The following LARP1B variants were observed in gnomAD, a reference collection of about 807,000 sequenced individuals.
The protein encoded by LARP1B is la-related protein 1B.
LARP1B carries 76 observed loss-of-function variants against 114.2 expected under a neutral mutation model. The observed-to-expected ratio is 0.67, with a 90% confidence interval of 0.55 to 0.81. The LOEUF is 0.81. Ranked by LOEUF, LARP1B falls within the 30% of genes least tolerant of loss-of-function variation. The pLI is 0.00. For missense variants in LARP1B, 1,014 were observed against 1,075.8 expected (o/e 0.94, Z 0.80); for synonymous variants, 345 against 348.0 (o/e 0.99, Z 0.10).
chr4:128,139,620 A>G (rs1318003919), intron 11 of LARP1B, among the ~76,000 whole-genome samples: 1 of 151,994 alleles, frequency 6.6e-6, no homozygotes, highest in African/African-American at 2.4e-5. Context: ...AGATCGTGCC[A>G]TTGCACTCCA....
chr4:128,093,252 T>C (rs1366117326), intron 7 of LARP1B, among the ~76,000 whole-genome samples: 1 of 152,182 alleles, frequency 6.6e-6, no homozygotes, highest in Non-Finnish European at 1.5e-5. Context: ...GTTTCTAATA[T>C]ATAGATAGGC....
At chr4:128,152,137 T>TTATTCAG (rs1208458557) in intron 11 of LARP1B, among the ~76,000 whole-genome samples, 1 of 152,150 alleles carries the variant, frequency 6.6e-6, no homozygotes, top group Non-Finnish European at 1.5e-5. Flanking sequence ...CCAACAGTCT[T>TTATTCAG]TATTCAGTAT....
chr4:128,077,783 T>C lies in LARP1B; in HGVS notation c.43-5T>C. On this transcript the variant is annotated splice_polypyrimidine_tract_variant and splice_region_variant and intron_variant, in intron 3 of 19. Transcript: ENST00000326639. ...AATCATTTCATTCTGAAAACCTTTTTGCAGTTTCAGAGCGTCCTCAGCCAA... is the reference window on the plus strand; with the variant it reads ...AATCATTTCATTCTGAAAACCTTTTCGCAGTTTCAGAGCGTCCTCAGCCAA... The C allele has an allele frequency of 1.3e-6, 2 of 1,535,378 alleles. No homozygotes were observed. The highest frequency in any genetic ancestry group is 1.7e-6 in the Non-Finnish European group (2 of 1,146,114).
At chr4:128,075,125 C>T in intron 3 of LARP1B, 132 bp downstream of exon 3, 4 of 654,600 alleles carry the variant, frequency 6.1e-6, no homozygotes, top group Non-Finnish European at 1.1e-5. Context: ...TTTTTTGAGA[C>T]AGGGTCTTGC....
intron 11 of LARP1B, among the ~76,000 whole-genome samples, chr4:128,149,568 TA>T (rs1192491768): frequency 6.6e-6 from 1 of 152,210 alleles, no homozygotes; most frequent in Non-Finnish European, 1.5e-5. Context: ...AATCTGTTCA[TA>T]ATACCTTGTG....
Position 128,147,935 on chromosome 4 carries a change from T to A in LARP1B, c.1525-14259T>A, listed in dbSNP as rs185104048. On this transcript the variant is annotated intron_variant, in intron 11 of 19. Coordinates refer to ENST00000326639, the MANE Select transcript of LARP1B (RefSeq NM_018078.4). ...AGAGTTTACAACTTTTTTTTGAAAT[T>A]GGCTCCTGAGTAATAAAAAGTTTCT... is the stretch of plus-strand genomic sequence containing the variant. 3.1e-3 allele frequency among the ~76,000 whole-genome samples: 469 copies of A among 152,314 alleles called. 3 individuals are homozygous for A. The highest frequency in any genetic ancestry group is 0.01 in the Middle Eastern group (3 of 294).
rs757089245 is a variant in LARP1B at position 128,207,318 on chromosome 4, T to C, written c.2482T>C (p.Ser828Pro). 3.2e-6 allele frequency: 5 copies of C among 1,563,060 alleles called. No individual in the cohort carries two copies. The Admixed American group carries it at 7.3e-5, about 23-fold the overall frequency. The change falls in exon 19 of 20, where the codon TCT becomes CCT. Residue 828 changes from serine to proline, a missense_variant. Ser to Pro is a moderately conservative substitution (Grantham distance 74, BLOSUM62 -1). Coordinates refer to ENST00000326639, the MANE Select transcript of LARP1B (RefSeq NM_018078.4). ...YLKYSQSKTQ[S>P]IDPKLQEYLC... ...GAAATATTCTCAATCTAAGACACAGTCTATTGACCCAAAACTTCAGGAATA... is the reference window on the plus strand; with the variant it reads ...GAAATATTCTCAATCTAAGACACAGCCTATTGACCCAAAACTTCAGGAATA...
intron 8 of LARP1B, among the ~76,000 whole-genome samples, chr4:128,106,471 A>G (rs1029256312): frequency 6.6e-6 from 1 of 152,086 alleles, no homozygotes; most frequent in Admixed American, 6.6e-5. Flanking sequence ...CCTGTATTTC[A>G]GTGAGAAGTT....
At chr4:128,219,099 C>A (rs1360444515) in intron 6 of LARP1B, among the ~76,000 whole-genome samples, 1 of 150,946 alleles carries the variant, frequency 6.6e-6, no homozygotes, top group African/African-American at 2.4e-5. Context: ...TATGAGATAT[C>A]ATCTCACAGC....
At chr4:128,220,000 C>A (rs1759880073) in intron 6 of LARP1B, among the ~76,000 whole-genome samples, 1 of 152,150 alleles carries the variant, frequency 6.6e-6, no homozygotes, top group South Asian at 2.1e-4. Flanking sequence ...ATTCTCCTGC[C>A]TCAGCCTCCT....
At position 128,090,984 on chromosome 4, in the gene LARP1B, A is replaced by AT. The variant is rs781188672; in HGVS notation, c.359-12dup. ...TTGGCAAATCGAAGTATATAAAAAT[A>AT]TTTTTATTTTTAAAAGGTTGGAAGC... On this transcript the variant is annotated splice_polypyrimidine_tract_variant and intron_variant, in intron 5 of 19. Coordinates refer to ENST00000326639, the MANE Select transcript of LARP1B (RefSeq NM_018078.4). The AT allele has an allele frequency of 1.3e-6, 2 of 1,554,822 alleles. No individual in the cohort carries two copies. Among genetic ancestry groups the AT allele is most frequent in the Non-Finnish European group, 1.8e-6 (2 of 1,139,824 alleles).
intron 11 of LARP1B, chr4:128,123,693 A>G: frequency 1.1e-6 from 1 of 935,476 alleles, no homozygotes; most frequent in Non-Finnish European, 1.3e-6. Flanking sequence ...ATTATGGAGT[A>G]AACATTATGC....
chr4:128,139,795 A>G (rs1727149484), intron 11 of LARP1B, among the ~76,000 whole-genome samples: 1 of 152,216 alleles, frequency 6.6e-6, no homozygotes, highest in South Asian at 2.1e-4. Flanking sequence ...TATTTCAATG[A>G]AATAGTTCAT....
At chr4:128,189,256 C>T (rs1211682033) in intron 15 of LARP1B, among the ~76,000 whole-genome samples, 40 of 110,894 alleles carry the variant, frequency 3.6e-4, no homozygotes, top group Non-Finnish European at 6.4e-4. Flanking sequence ...AGTGACCTTC[C>T]GTGTCCTTTT....
chr4:128,115,028 C>A (rs1300668609), intron 10 of LARP1B, among the ~76,000 whole-genome samples: 3 of 151,940 alleles, frequency 2.0e-5, no homozygotes, highest in African/African-American at 7.3e-5. Context: ...ACCTCTGCCT[C>A]CCAGGTTCAA....
At chr4:128,101,921 CT>C (rs1302482398) in intron 8 of LARP1B, among the ~76,000 whole-genome samples, 4 of 152,062 alleles carry the variant, frequency 2.6e-5, no homozygotes, top group Non-Finnish European at 5.9e-5. Flanking sequence ...TATTGTATGC[CT>C]TTTTGGTCTG....
chr4:128,074,823 A>G, intron 2 of LARP1B, 111 bp from the exon 3 acceptor site: 1 of 701,306 alleles, frequency 1.4e-6, no homozygotes, highest in Non-Finnish European at 2.4e-6. Flanking sequence ...CCTGCATATA[A>G]CTGAATATAA....
intron 19 of LARP1B, among the ~76,000 whole-genome samples, chr4:128,209,448 A>G (rs574834770): frequency 1.3e-5 from 2 of 152,054 alleles, no homozygotes; most frequent in Non-Finnish European, 2.9e-5. Flanking sequence ...CAAGCAAACA[A>G]AAAAAACACT....
chr4:128,184,161 A>G (rs943884438), intron 15 of LARP1B, among the ~76,000 whole-genome samples: 23 of 152,340 alleles, frequency 1.5e-4, no homozygotes, highest in African/African-American at 4.1e-4. Context: ...ACTGACTCCA[A>G]TTTTCAAAGG....
Sources: allele counts gnomAD v4.1 joint callset (sites outside exome capture counted in the v4.1 genomes callset), GRCh38; gene constraint gnomAD v4.1.1; transcripts MANE v1.5; gene names NCBI Gene and HGNC (gene_info 2026-07-23, HGNC 2026-07-21).